Variants in AGAP1 observed in about 807,000 individuals in gnomAD.
The protein encoded by AGAP1 is ArfGAP with GTPase domain, ankyrin repeat and PH domain 1.
AGAP1 carries 29 observed loss-of-function variants against 105.3 expected under a neutral mutation model. The observed-to-expected ratio is 0.28, with a 90% CI of 0.21 to 0.38. The LOEUF is 0.38. Among genes scored for constraint, AGAP1 ranks in the 10% least tolerant of loss-of-function variants. AGAP1 has a pLI of 1.00. For missense variants in AGAP1, 998 were observed against 1,165.1 expected (o/e 0.86, Z 2.09); for synonymous variants, 509 against 485.9 (o/e 1.05, Z -0.63).
At chr2:235,588,001 G>A (rs1945182123) in intron 1 of AGAP1, among the ~76,000 whole-genome samples, 2 of 152,142 alleles carry the variant, frequency 1.3e-5, no homozygotes, top group Non-Finnish European at 2.9e-5. Flanking sequence ...AGGCCGACAT[G>A]CGTGGATCAC....
rs1052399205 is a variant in AGAP1 at position 235,611,437 on chromosome 2, G to A, written c.164-97742G>A. Among the ~76,000 whole-genome samples, 11 of 152,244 alleles carry A rather than the reference G, an allele frequency of 7.2e-5. No individual in the cohort carries two copies. Among genetic ancestry groups the A allele is most frequent in the African/African-American group, 2.7e-4 (11 of 41,472 alleles). On this transcript the variant is annotated intron_variant, in intron 1 of 17. Transcript: ENST00000304032. The surrounding 1 kb of genome is among the most constrained non-coding windows in gnomAD (Gnocchi z 5.0). ...AATGAATAGTTATTGTGAAGGAGCT[G>A]ATTTTTGGAGGAGTGGTTTGTCTGC...
intron 9 of AGAP1, among the ~76,000 whole-genome samples, chr2:235,833,122 C>T (rs1959646422): frequency 6.6e-6 from 1 of 152,246 alleles, no homozygotes; most frequent in African/African-American, 2.4e-5. Context: ...TGGAGGGGCA[C>T]TGGCAGGACC....
chr2:236,073,502 T>C lies in AGAP1; in HGVS notation c.2114+24221T>C, dbSNP rs1157889961. On this transcript the variant is annotated intron_variant, in intron 16 of 17. Transcript: ENST00000304032. This position sits in a 1 kb window ranked among gnomAD's most constrained non-coding sequence, Gnocchi z 5.4. ...GCTGCAAAACAGCTTGCAAAACAGCTGGGGACTGGAGATATTGGATTATAC... is the reference window on the plus strand; with the variant it reads ...GCTGCAAAACAGCTTGCAAAACAGCCGGGGACTGGAGATATTGGATTATAC... Among the ~76,000 whole-genome samples the C allele has an allele frequency of 6.6e-6, 1 of 152,166 alleles. No individual in the cohort carries two copies. Among genetic ancestry groups the C allele is most frequent in the Non-Finnish European group, 1.5e-5 (1 of 68,030 alleles).
chr2:235,999,509 G>A, intron 13 of AGAP1, among the ~76,000 whole-genome samples: 1 of 150,636 alleles, frequency 6.6e-6, no homozygotes, highest in South Asian at 2.1e-4. Flanking sequence ...TGGTAGTGGT[G>A]ATGGTGGTGG....
intron 12 of AGAP1, among the ~76,000 whole-genome samples, chr2:235,948,730 G>A (rs1206132653): frequency 6.6e-6 from 1 of 152,150 alleles, no homozygotes; most frequent in Non-Finnish European, 1.5e-5. Flanking sequence ...GACAGTGGGG[G>A]CACAGCAGCC....
chr2:235,699,105 G>C (rs932561317), intron 1 of AGAP1, among the ~76,000 whole-genome samples: 3 of 151,752 alleles, frequency 2.0e-5, no homozygotes, highest in African/African-American at 7.3e-5. Flanking sequence ...CGCACAGGAG[G>C]GACGGGGAGG....
chr2:235,775,754 C>G (rs1183023048), intron 6 of AGAP1: 2 of 152,134 alleles, frequency 1.3e-5, no homozygotes, highest in Non-Finnish European at 2.9e-5. Context: ...GTCTTAAATT[C>G]TATGTACGTG....
Position 236,042,457 on chromosome 2 carries a change from T to C in AGAP1, c.1891+1616T>C, listed in dbSNP as rs2057579038. 6.6e-6 allele frequency among the ~76,000 whole-genome samples: 1 copy of C among 152,200 alleles called. No homozygotes were observed. The highest frequency in any genetic ancestry group is 2.4e-5 in the African/African-American group (1 of 41,456). ...TTTTACTTTCAAATGTGTGGTGAAA[T>C]GAAGTTCGAAGAGAGAAGCAGTTAT... On this transcript the variant is annotated intron_variant, in intron 15 of 17. Coordinates refer to ENST00000304032, the MANE Select transcript of AGAP1 (RefSeq NM_001037131.3). The surrounding 1 kb of genome is among the most constrained non-coding windows in gnomAD (Gnocchi z 5.6).
chr2:235,688,751 A>G lies in AGAP1; in HGVS notation c.164-20428A>G, dbSNP rs144728891. ...GTGTATTCATTTTGCATTGGAGGAA[A>G]TGAGCATTGGGGTGCTTTGGTGACA... On this transcript the variant is annotated intron_variant, in intron 1 of 17. Coordinates refer to ENST00000304032, the MANE Select transcript of AGAP1 (RefSeq NM_001037131.3). 2.6e-5 allele frequency among the ~76,000 whole-genome samples: 4 copies of G among 152,336 alleles called. No individual in the cohort carries two copies. The East Asian group carries it at 7.7e-4, about 29-fold the overall frequency.
chr2:235,501,901 A>G (rs1395524509), intron 1 of AGAP1, among the ~76,000 whole-genome samples: 1 of 152,190 alleles, frequency 6.6e-6, no homozygotes, highest in African/African-American at 2.4e-5. Context: ...GTGCTTAGCT[A>G]CATAATTCCT....
At position 235,623,879 on chromosome 2, in the gene AGAP1, T is replaced by G. The variant is rs1946560528; in HGVS notation, c.164-85300T>G. Among the ~76,000 whole-genome samples, 4 of 152,320 alleles carry G rather than the reference T, an allele frequency of 2.6e-5. No individual in the cohort carries two copies. Among genetic ancestry groups the G allele is most frequent in the South Asian group, 4.1e-4 (2 of 4,824 alleles). ...AGGTGTAGTGCCCAAGAGGAATATTTTGTTTCCATTTTCAAGATGATTCCA... is the reference window on the plus strand; with the variant it reads ...AGGTGTAGTGCCCAAGAGGAATATTGTGTTTCCATTTTCAAGATGATTCCA... On this transcript the variant is annotated intron_variant, in intron 1 of 17. Transcript: ENST00000304032. This position sits in a 1 kb window ranked among gnomAD's most constrained non-coding sequence, Gnocchi z 4.5.
chr2:235,693,582 G>T (rs1222539528), intron 1 of AGAP1, among the ~76,000 whole-genome samples: 3 of 152,154 alleles, frequency 2.0e-5, no homozygotes, highest in Admixed American at 1.3e-4. Context: ...ATTAAGCCAG[G>T]CCTGGTGGCT....
In AGAP1 at chr2:235,557,976, A is replaced by G. The variant is rs1944024926; in HGVS notation, c.163+63127A>G. On this transcript the variant is annotated intron_variant, in intron 1 of 17. Coordinates refer to ENST00000304032, the MANE Select transcript of AGAP1 (RefSeq NM_001037131.3). This position sits in a 1 kb window ranked among gnomAD's most constrained non-coding sequence, Gnocchi z 4.7. ...CCTCCAGAGGCTGCCTGTTTGTAAA[A>G]TAATAGGTTTAGATGAACAAAGTGG... 6.6e-6 allele frequency among the ~76,000 whole-genome samples: 1 copy of G among 152,172 alleles called. No homozygotes were observed. Among genetic ancestry groups the G allele is most frequent in the Non-Finnish European group, 1.5e-5 (1 of 68,024 alleles).
chr2:235,658,539 G>A (rs1332457966), intron 1 of AGAP1, among the ~76,000 whole-genome samples: 2 of 152,188 alleles, frequency 1.3e-5, no homozygotes, highest in African/African-American at 4.8e-5. Flanking sequence ...GAGGTGTGGA[G>A]CAGAGTGTCC....
chr2:235,873,662 G>A (rs535779954), intron 9 of AGAP1, among the ~76,000 whole-genome samples: 142 of 152,178 alleles, frequency 9.3e-4, no homozygotes, highest in Non-Finnish European at 1.4e-3. Context: ...TAAGTTACCC[G>A]ACTGTGGGAA....
intron 1 of AGAP1, among the ~76,000 whole-genome samples, chr2:235,580,368 T>G (rs1213932903): frequency 6.6e-6 from 1 of 152,020 alleles, no homozygotes; most frequent in Non-Finnish European, 1.5e-5. Context: ...TGCCGGCCGC[T>G]TACATTTTGT....
At chr2:235,540,975 C>G (rs6737539) in intron 1 of AGAP1, among the ~76,000 whole-genome samples, 4,177 of 152,086 alleles carry the variant, frequency 0.027, 206 homozygotes, top group African/African-American at 0.094. Flanking sequence ...TCTGGGTAGA[C>G]TTACAATTTT....
intron 1 of AGAP1, among the ~76,000 whole-genome samples, chr2:235,653,507 AAC>A (rs1207264778): frequency 0.011 from 1,627 of 150,676 alleles, 24 homozygotes; most frequent in African/African-American, 0.037. Context: ...AATATAACAT[AAC>A]ATAACATAAC....
intron 1 of AGAP1, among the ~76,000 whole-genome samples, chr2:235,497,819 G>A (rs1213072607): frequency 2.0e-5 from 3 of 152,044 alleles, no homozygotes; most frequent in African/African-American, 4.8e-5. Flanking sequence ...TATGGTCTCC[G>A]TCTCCTAACC....
Sources: allele counts gnomAD v4.1 joint callset (sites outside exome capture counted in the v4.1 genomes callset), GRCh38; gene constraint gnomAD v4.1.1; non-coding constraint Gnocchi (gnomAD v3.1); transcripts MANE v1.5; gene names NCBI Gene and HGNC (gene_info 2026-07-23, HGNC 2026-07-21).